Variants in LAMB4 observed in about 807,000 individuals in gnomAD.
The protein encoded by LAMB4 is laminin subunit beta 4.
LAMB4 carries 196 observed loss-of-function variants against 199.2 expected under a neutral mutation model. The observed-to-expected ratio is 0.98, with a 90% CI of 0.88 to 1.11. LAMB4 has a LOEUF of 1.11. LAMB4 is among the 50% of genes least tolerant of loss of function. The probability of loss-of-function intolerance (pLI) is 0.00; values close to 1 mark genes in which losing one functional copy is unlikely to be tolerated. For missense variants in LAMB4, 2,080 were observed against 2,171.2 expected, an observed-to-expected ratio of 0.96 and a Z score of 0.83; for synonymous variants, 744 against 770.6, an observed-to-expected ratio of 0.97 and a Z score of 0.57.
chr7:108,064,401 A>C (rs755197111), intron 21 of LAMB4, among the ~76,000 whole-genome samples: 5 of 152,188 alleles, frequency 3.3e-5, no homozygotes, highest in Non-Finnish European at 5.9e-5. Context: ...AGGCCTGAAG[A>C]GAAAGTCCCA....
intron 17 of LAMB4, among the ~76,000 whole-genome samples, chr7:108,071,331 G>C (rs532738654): frequency 1.7e-4 from 25 of 150,746 alleles, no homozygotes; most frequent in Non-Finnish European, 2.9e-4. Flanking sequence ...GAGTTCCTCA[G>C]GGTTCTCTCA....
rs574233415 is a variant in LAMB4 at position 108,118,052 on chromosome 7, C to T, written c.35-1891G>A. 3.3e-5 allele frequency among the ~76,000 whole-genome samples: 5 copies of T among 152,314 alleles called. No homozygotes were observed. The East Asian group carries it at 9.6e-4, about 29-fold the overall frequency. On this transcript the variant is annotated intron_variant, in intron 2 of 33. Transcript: ENST00000388781. ...AATGCAGCCCAGTAGGTTTCAGCCT[C>T]ATTTTACCCAGCTCCTATTCAAGAT...
At chr7:108,094,114 G>C (rs541437393) in intron 12 of LAMB4, among the ~76,000 whole-genome samples, 7 of 152,322 alleles carry the variant, frequency 4.6e-5, no homozygotes, top group Non-Finnish European at 7.3e-5. Context: ...CCCATGGGGG[G>C]GGTCCCTGTT....
chr7:108,078,735 GC>G (rs1314953470), intron 15 of LAMB4, among the ~76,000 whole-genome samples: 1 of 152,136 alleles, frequency 6.6e-6, no homozygotes, highest in Non-Finnish European at 1.5e-5. Context: ...ATTTGGAAAA[GC>G]TTTTTAAAGG....
At chr7:108,014,415 A>C in the LAMB4 span, among the ~76,000 whole-genome samples, 111 of 151,552 alleles carry the variant, frequency 7.3e-4, 1 homozygote, top group African/African-American at 2.6e-3. Flanking sequence ...TCCTGTGCTC[A>C]TATGTTCCAA....
chr7:108,105,244 C>T lies in LAMB4; in HGVS notation c.870+573G>A, dbSNP rs60361055. Among the ~76,000 whole-genome samples the T allele has an allele frequency of 4.0e-3, 608 of 152,268 alleles. 7 individuals are homozygous for T. The highest frequency in any genetic ancestry group is 0.014 in the African/African-American group (578 of 41,546). On this transcript the variant is annotated intron_variant, in intron 8 of 33. Transcript: ENST00000388781. ...TCTACAATGTCTTTTAAGGCTAGTC[C>T]CCCAAGATGAGAGAGATCTGCCATA...
chr7:108,065,877 G>A lies in LAMB4; in HGVS notation c.2721C>T (p.Pro907=), dbSNP rs772286268. The change falls in exon 21 of 34, where the codon CCC becomes CCT. Residue 907 remains proline (P), a synonymous_variant. Coordinates refer to ENST00000388781, the MANE Select transcript of LAMB4 (RefSeq NM_007356.3). ...CATCTGGACACAGGCAAGGACGACA[G>A]GGCTGTCCTGAAGAAGGATTTCCAT... The part of the protein sequence containing the change: ...GYYGNPSSGQ[P]CRPCLCPDDP... 1 of 1,614,040 alleles carries A rather than the reference G, an allele frequency of 6.2e-7. No homozygotes were observed. The highest frequency in any genetic ancestry group is 8.5e-7 in the Non-Finnish European group (1 of 1,179,930).
chr7:108,109,282 T>G, intron 4 of LAMB4, 38 bp from the exon 5 acceptor site: 3 of 1,437,976 alleles, frequency 2.1e-6, no homozygotes, highest in Non-Finnish European at 2.9e-6. Context: ...TCAGTGATTT[T>G]GAGAGACTTC....
At chr7:108,096,195 G>C (rs989322086) in intron 11 of LAMB4, among the ~76,000 whole-genome samples, 1 of 152,048 alleles carries the variant, frequency 6.6e-6, no homozygotes, top group African/African-American at 2.4e-5. Flanking sequence ...AGCAACCACC[G>C]TGCTGCTTTC....
At chr7:108,047,831 T>A (rs567018389) in intron 28 of LAMB4, 77 bp downstream of exon 28, 2 of 1,154,174 alleles carry the variant, frequency 1.7e-6, no homozygotes, top group East Asian at 4.7e-5. Context: ...GGAAGTTATA[T>A]GGCAGTTTTA....
At chr7:108,129,691 C>T (rs2038913283) in intron 1 of LAMB4, among the ~76,000 whole-genome samples, 2 of 152,106 alleles carry the variant, frequency 1.3e-5, no homozygotes, top group Admixed American at 1.3e-4. Flanking sequence ...GCATGTGCCA[C>T]TACGGCTGTA....
chr7:108,052,072 A>T, intron 26 of LAMB4, 25 bp downstream of exon 26: 9 of 1,582,188 alleles, frequency 5.7e-6, no homozygotes, highest in Middle Eastern at 1.7e-4. Flanking sequence ...GTGCAGACAC[A>T]GTCAAAAATA....
Position 108,076,896 on chromosome 7 carries a change from C to T in LAMB4, c.2124+48G>A, listed in dbSNP as rs374458752. 300 of 1,593,608 alleles carry T rather than the reference C, an allele frequency of 1.9e-4. No homozygotes were observed. The Middle Eastern group carries it at 3.0e-3, about 16-fold the overall frequency. On this transcript the variant is annotated intron_variant, in intron 17 of 33. Coordinates refer to ENST00000388781, the MANE Select transcript of LAMB4 (RefSeq NM_007356.3). ...CTAGTGAGTTTAAAAGTAGTTATAA[C>T]GGTGCTTAGTAGCGAAGAAAGCACC...
intron 30 of LAMB4, among the ~76,000 whole-genome samples, chr7:108,036,144 C>T (rs1327626408): frequency 6.6e-6 from 1 of 151,998 alleles, no homozygotes; most frequent in Non-Finnish European, 1.5e-5. Context: ...AGTCGTGAGC[C>T]GCTTCCCCCA....
At chr7:108,119,857 T>G (rs1250308353) in intron 2 of LAMB4, among the ~76,000 whole-genome samples, 1 of 152,214 alleles carries the variant, frequency 6.6e-6, no homozygotes, top group Non-Finnish European at 1.5e-5. Flanking sequence ...TAAGATGCTA[T>G]GACTGAGAGA....
chr7:108,034,082 C>G, intron 31 of LAMB4, 126 bp downstream of exon 31: 2 of 932,470 alleles, frequency 2.1e-6, no homozygotes, highest in Non-Finnish European at 3.4e-6. Flanking sequence ...CTACCCAAAT[C>G]TTATTTATCC....
In LAMB4 at chr7:108,123,203, T is replaced by C; in HGVS notation, c.-33-6A>G. 4 of 1,564,618 alleles carry C rather than the reference T, an allele frequency of 2.6e-6. No individual in the cohort carries two copies. The highest frequency in any genetic ancestry group is 3.5e-6 in the Non-Finnish European group (4 of 1,146,672). ...GATGATTAAATTCAATTCTACTGGG[T>C]TAAAAAAAGGTTAAAGTCAATCACT... On this transcript the variant is annotated splice_polypyrimidine_tract_variant and splice_region_variant and intron_variant, in intron 1 of 33. Transcript: ENST00000388781.
chr7:108,127,249 A>G (rs2038827771), intron 1 of LAMB4, among the ~76,000 whole-genome samples: 1 of 149,188 alleles, frequency 6.7e-6, no homozygotes. Context: ...TTACACCACA[A>G]TATCTGGGGT....
At chr7:108,126,056 G>A (rs2038767216) in intron 1 of LAMB4, among the ~76,000 whole-genome samples, 1 of 152,152 alleles carries the variant, frequency 6.6e-6, no homozygotes, top group South Asian at 2.1e-4. Flanking sequence ...ATTGATAATT[G>A]GTTAAGGATT....
Sources: gnomAD v4.1 joint callset for allele counts (sites outside exome capture counted in the v4.1 genomes callset) on GRCh38, gnomAD v4.1.1 for gene constraint, MANE v1.5 for transcripts, NCBI Gene and HGNC (gene_info 2026-07-23, HGNC 2026-07-21) for gene names.